Variants in EFR3B observed in about 807,000 individuals in gnomAD.
EFR3B encodes EFR3 homolog B.
Under a neutral mutation model 104.7 loss-of-function variants are expected in EFR3B, and 64 were observed. The ratio of observed to expected loss-of-function variants is 0.61; its 90% CI spans 0.50 to 0.75. The LOEUF (loss-of-function observed/expected upper bound fraction) is 0.75, where lower values mean the gene tolerates loss of function less well. Among genes scored for constraint, EFR3B ranks in the 30% least tolerant of loss-of-function variants. The pLI, the probability that EFR3B is intolerant of heterozygous loss-of-function variation, is 0.00. For missense variants in EFR3B, 750 were observed against 1,078.5 expected (o/e 0.70, Z 4.27); for synonymous variants, 385 against 417.9 (o/e 0.92, Z 0.96).
intron 17 of EFR3B, among the ~76,000 whole-genome samples, chr2:25,142,902 CA>C (rs1670710804): frequency 6.7e-6 from 1 of 150,186 alleles, no homozygotes; most frequent in Admixed American, 6.7e-5. Context: ...TGTGAATAGC[CA>C]CTGCACTCCA....
chr2:25,047,030 C>A (rs533916158), intron 1 of EFR3B, among the ~76,000 whole-genome samples: 1 of 152,288 alleles, frequency 6.6e-6, no homozygotes, highest in East Asian at 1.9e-4. Flanking sequence ...GAGAAGGGGG[C>A]CAGGTGAGCC....
At chr2:25,142,965 AG>A (rs1163185930) in intron 17 of EFR3B, among the ~76,000 whole-genome samples, 2 of 146,510 alleles carry the variant, frequency 1.4e-5, no homozygotes, top group African/African-American at 2.5e-5. Context: ...AAAAAAAAAA[AG>A]GCTGGGCATG....
chr2:25,114,844 C>A lies in EFR3B; in HGVS notation c.364-6829C>A, dbSNP rs570621358. 1.3e-5 allele frequency among the ~76,000 whole-genome samples: 2 copies of A among 152,210 alleles called. No homozygotes were observed. Among genetic ancestry groups the A allele is most frequent in the Non-Finnish European group, 2.9e-5 (2 of 68,040 alleles). ...CAGTTTACCCTGGGCCAAGTACATG[C>A]GACCTGTAGATCCCCTGCCCCAGAG... On this transcript the variant is annotated intron_variant, in intron 4 of 22. Coordinates refer to ENST00000403714, the MANE Select transcript of EFR3B (RefSeq NM_014971.2). This position sits in a 1 kb window ranked among gnomAD's most constrained non-coding sequence, Gnocchi z 4.0.
chr2:25,047,574 C>T (rs1667757210), intron 1 of EFR3B, among the ~76,000 whole-genome samples: 1 of 152,156 alleles, frequency 6.6e-6, no homozygotes, highest in Non-Finnish European at 1.5e-5. Flanking sequence ...TCTTGACTCA[C>T]TGCAACCTCC....
chr2:25,117,847 C>T (rs1236445128), intron 4 of EFR3B, among the ~76,000 whole-genome samples: 1 of 152,232 alleles, frequency 6.6e-6, no homozygotes, highest in Non-Finnish European at 1.5e-5. Context: ...AAGCAGAAGG[C>T]AGGAATAAAA....
chr2:25,047,698 C>T (rs886747010), intron 1 of EFR3B, among the ~76,000 whole-genome samples: 3 of 151,944 alleles, frequency 2.0e-5, no homozygotes, highest in Admixed American at 6.6e-5. Context: ...GGGGTTTCAC[C>T]ACATTGGCCA....
At position 25,131,410 on chromosome 2, in the gene EFR3B, C is replaced by A; in HGVS notation, c.892C>A (p.Leu298Met). The A allele has an allele frequency of 6.4e-7, 1 of 1,550,930 alleles. No homozygotes were observed. The highest frequency in any genetic ancestry group is 1.2e-5 in the South Asian group (1 of 84,046). Residue 298 changes from leucine to methionine, a missense_variant, in exon 9 of 23, where the codon CTG (leucine) becomes ATG (methionine). By Grantham distance (15) the Leu-to-Met change is conservative. Transcript: ENST00000403714. This position sits in a 1 kb window ranked among gnomAD's most constrained non-coding sequence, Gnocchi z 7.6. ...HLVIQQLLGHLDANSRSAATV... is the reference protein window; with the variant it reads ...HLVIQQLLGHMDANSRSAATV... ...GGTCATCCAGCAGCTCCTGGGCCAC[C>A]TGGACGCCAACAGCCGCAGCGCTGC...
chr2:25,080,400 T>A, intron 1 of EFR3B: 1 of 521,924 alleles, frequency 1.9e-6, no homozygotes, highest in Non-Finnish European at 3.4e-6. Context: ...GTTCGAGCGA[T>A]TCTGCTGCCT....
chr2:25,060,869 C>T (rs746807005), intron 1 of EFR3B, among the ~76,000 whole-genome samples: 10 of 151,146 alleles, frequency 6.6e-5, no homozygotes, highest in African/African-American at 2.2e-4. Flanking sequence ...TGCAGTGAGC[C>T]GAGATCGCCC....
intron 3 of EFR3B, among the ~76,000 whole-genome samples, chr2:25,097,836 C>T (rs1015805283): frequency 1.3e-5 from 2 of 152,148 alleles, no homozygotes; most frequent in African/African-American, 2.4e-5. Context: ...GGGTAAGACT[C>T]GCTCAGTCGA....
intron 15 of EFR3B, 102 bp from the exon 16 acceptor site, chr2:25,138,957 C>T (rs567400960): frequency 2.3e-5 from 34 of 1,459,944 alleles, no homozygotes; most frequent in Non-Finnish European, 2.7e-5. Context: ...TCTAGGAAAG[C>T]AAGCATTTCT....
chr2:25,132,967 G>C lies in EFR3B; in HGVS notation c.1212G>C (p.Lys404Asn). 1.1e-5 allele frequency: 17 copies of C among 1,551,652 alleles called. No individual in the cohort carries two copies. The highest frequency in any genetic ancestry group is 1.5e-5 in the Non-Finnish European group (17 of 1,146,970). ...AGGTGATCCTCTTCATCATGAGCAA[G>C]GTCCCGCGGCCATCCCTGCACCAGG... ...RSEVILFIMS[K>N]VPRPSLHQAV... Residue 404 changes from lysine (K) to asparagine (N), a missense_variant, in exon 11 of 23, where the codon AAG (lysine) becomes AAC (asparagine). Coordinates refer to ENST00000403714, the MANE Select transcript of EFR3B (RefSeq NM_014971.2).
rs778340864 is a variant in EFR3B at position 25,091,417 on chromosome 2, G to A, written c.84+16G>A. 52 of 1,545,126 alleles carry A rather than the reference G, an allele frequency of 3.4e-5. No homozygotes were observed. The African/African-American group carries it at 5.2e-4, about 16-fold the overall frequency. On this transcript the variant is annotated intron_variant, in intron 2 of 22. Transcript: ENST00000403714. Reference sequence around the variant, plus strand: ...GGATCCCGAGGTGGGTCATGTCTCTGGCAGGCATCGTGGCTCTCATGGTCC... The same window carrying A: ...GGATCCCGAGGTGGGTCATGTCTCTAGCAGGCATCGTGGCTCTCATGGTCC...
At chr2:25,066,631 G>A (rs1380407874) in intron 1 of EFR3B, among the ~76,000 whole-genome samples, 2 of 152,232 alleles carry the variant, frequency 1.3e-5, no homozygotes, top group Non-Finnish European at 2.9e-5. Context: ...CCAGCACGCT[G>A]GCTCTCTGAC....
intron 19 of EFR3B, among the ~76,000 whole-genome samples, chr2:25,148,328 A>G (rs1670886804): frequency 1.3e-5 from 2 of 150,482 alleles, no homozygotes; most frequent in South Asian, 4.2e-4. Context: ...ATCTTGGCTC[A>G]CTGCAATCTC....
intron 4 of EFR3B, among the ~76,000 whole-genome samples, chr2:25,113,171 C>T (rs927952522): frequency 6.6e-5 from 10 of 152,026 alleles, no homozygotes; most frequent in Non-Finnish European, 8.8e-5. Context: ...GTCACATGTT[C>T]GAAATCTTCA....
chr2:25,062,101 T>C (rs1573172363), intron 1 of EFR3B, among the ~76,000 whole-genome samples: 1 of 152,260 alleles, frequency 6.6e-6, no homozygotes, highest in Admixed American at 6.5e-5. Context: ...TTAATTTTTT[T>C]CCCTATAACT....
In EFR3B at chr2:25,091,370, T is replaced by G; in HGVS notation, c.53T>G (p.Leu18Arg). ...GCCCTACGCCCCAGGTACAAAAGGC[T>G]GGTTGACAACATCTTCCCTGAGGAT... is the stretch of plus-strand genomic sequence containing the variant. ...CGALRPRYKR[L>R]VDNIFPEDPE... Residue 18 changes from leucine to arginine, a missense_variant, in exon 2 of 23, where the codon CTG becomes CGG. Leu to Arg is a moderately radical substitution (Grantham distance 102). Transcript: ENST00000403714. The G allele has an allele frequency of 6.5e-7, 1 of 1,550,012 alleles. No homozygotes were observed. The highest frequency in any genetic ancestry group is 8.7e-7 in the Non-Finnish European group (1 of 1,146,388).
intron 1 of EFR3B, chr2:25,058,258 A>G (rs1483132313): frequency 1.3e-5 from 2 of 152,220 alleles, no homozygotes; most frequent in Non-Finnish European, 2.9e-5. Context: ...TCTCATGCTG[A>G]TTAGTAGTGA....
Sources: gnomAD v4.1 joint callset for allele counts (sites outside exome capture counted in the v4.1 genomes callset) on GRCh38, gnomAD v4.1.1 for gene constraint, Gnocchi (gnomAD v3.1) non-coding constraint, MANE v1.5 for transcripts, NCBI Gene and HGNC (gene_info 2026-07-23, HGNC 2026-07-21) for gene names.